GRIA4: variants seen among roughly 807,000 people sequenced by gnomAD.
The protein encoded by GRIA4 is glutamate ionotropic receptor AMPA type subunit 4.
A neutral mutation model predicts 104.0 loss-of-function variants in GRIA4; 34 were observed. That is an observed-to-expected ratio of 0.33 (90% CI 0.25 to 0.44). The LOEUF is 0.44. Ranked by LOEUF, GRIA4 falls within the 20% of genes least tolerant of loss-of-function variation. GRIA4 has a pLI of 1.00. For missense variants in GRIA4, 750 were observed against 1,096.5 expected (o/e 0.68, Z 4.46); for synonymous variants, 386 against 381.9 (o/e 1.01, Z -0.13).
At chr11:105,949,219 G>C (rs761708744) in intron 14 of GRIA4, among the ~76,000 whole-genome samples, 37 of 152,084 alleles carry the variant, frequency 2.4e-4, no homozygotes, top group Admixed American at 1.3e-3. Flanking sequence ...ATGTCCGCTT[G>C]CCAACACTTA....
intron 16 of GRIA4, among the ~76,000 whole-genome samples, chr11:105,978,336 T>C (rs1347833223): frequency 7.0e-6 from 1 of 143,478 alleles, no homozygotes; most frequent in African/African-American, 2.5e-5. Context: ...ATAAAAACTA[T>C]ACATGTTTCT....
chr11:105,914,022 A>G (rs533427635), intron 10 of GRIA4, among the ~76,000 whole-genome samples: 1 of 151,984 alleles, frequency 6.6e-6, no homozygotes, highest in South Asian at 2.1e-4. Context: ...ATATATGTGC[A>G]TTATAATAAC....
intron 4 of GRIA4, among the ~76,000 whole-genome samples, chr11:105,817,343 T>C (rs1018928045): frequency 2.0e-5 from 3 of 149,362 alleles, no homozygotes; most frequent in African/African-American, 5.0e-5. Flanking sequence ...GTATGGACCA[T>C]GGCTTATGAC....
intron 3 of GRIA4, among the ~76,000 whole-genome samples, chr11:105,729,108 C>T (rs1938416245): frequency 3.0e-5 from 4 of 135,540 alleles, no homozygotes. Context: ...TACTGCTAGT[C>T]AAACTAATAA....
rs1023794417 is a variant in GRIA4 at position 105,941,225 on chromosome 11, C to CA, written c.2294+7262dup. ...AAATATTGTTTATCCTCCCTAGCATCAAAAAAGTCTTTTTTTATGATTGAA... is the reference window on the plus strand; with the variant it reads ...AAATATTGTTTATCCTCCCTAGCATCAAAAAAAGTCTTTTTTTATGATTGAA... On this transcript the variant is annotated intron_variant, in intron 14 of 16. Transcript: ENST00000282499. 8.5e-5 allele frequency among the ~76,000 whole-genome samples: 13 copies of CA among 152,100 alleles called. No homozygotes were observed. The East Asian group carries it at 2.5e-3, about 29-fold the overall frequency.
intron 4 of GRIA4, among the ~76,000 whole-genome samples, chr11:105,846,167 T>G (rs1213143158): frequency 6.6e-6 from 1 of 152,224 alleles, no homozygotes; most frequent in Non-Finnish European, 1.5e-5. Flanking sequence ...GAAATCTGCA[T>G]ATACCATTTC....
intron 4 of GRIA4, among the ~76,000 whole-genome samples, chr11:105,832,321 A>G (rs1281504196): frequency 6.6e-6 from 1 of 151,840 alleles, no homozygotes; most frequent in African/African-American, 2.4e-5. Context: ...CTGTCTTTAC[A>G]CAAGCTCTCT....
chr11:105,884,360 T>A, intron 5 of GRIA4, among the ~76,000 whole-genome samples: 1 of 152,246 alleles, frequency 6.6e-6, no homozygotes, highest in East Asian at 1.9e-4. Flanking sequence ...CAGAAGATAC[T>A]CTTCACTTTT....
intron 1 of GRIA4, 22 bp from the exon 2 acceptor site, chr11:105,610,886 T>TGTTTA: frequency 6.6e-6 from 3 of 453,556 alleles, no homozygotes; most frequent in Non-Finnish European, 1.2e-5. Flanking sequence ...TTTTTTTTTT[T>TGTTTA]TTTGGTTGAT....
At chr11:105,630,366 C>A (rs1951001656) in intron 3 of GRIA4, among the ~76,000 whole-genome samples, 1 of 131,850 alleles carries the variant, frequency 7.6e-6, no homozygotes, top group South Asian at 2.9e-4. Flanking sequence ...GAGTTCAAGA[C>A]CAGCCTGACT....
intron 3 of GRIA4, among the ~76,000 whole-genome samples, chr11:105,717,956 A>G (rs1220416726): frequency 2.7e-5 from 4 of 149,782 alleles, no homozygotes; most frequent in Non-Finnish European, 4.4e-5. Context: ...GAAATTGGAA[A>G]TCATCATTCT....
At chr11:105,847,442 G>T (rs1944641418) in intron 4 of GRIA4, among the ~76,000 whole-genome samples, 1 of 152,096 alleles carries the variant, frequency 6.6e-6, no homozygotes, top group Admixed American at 6.5e-5. Flanking sequence ...AAATATATCA[G>T]CAACTTAAGG....
intron 3 of GRIA4, among the ~76,000 whole-genome samples, chr11:105,616,323 T>C (rs1014443713): frequency 7.9e-5 from 12 of 151,726 alleles, no homozygotes; most frequent in African/African-American, 2.9e-4. Context: ...AAAAAGTTTC[T>C]TTTTTAAGTT....
At chr11:105,711,847 CA>C (rs1338990249) in intron 3 of GRIA4, among the ~76,000 whole-genome samples, 4 of 152,076 alleles carry the variant, frequency 2.6e-5, no homozygotes, top group African/African-American at 9.7e-5. Flanking sequence ...AGGAATCTAT[CA>C]AAATTATGAT....
At chr11:105,951,114 A>C (rs1948445577) in intron 14 of GRIA4, among the ~76,000 whole-genome samples, 2 of 152,204 alleles carry the variant, frequency 1.3e-5, no homozygotes, top group Admixed American at 6.5e-5. Flanking sequence ...GCAATTGATG[A>C]AAGTTTTTAG....
chr11:105,914,543 T>C (rs891962086), intron 10 of GRIA4, among the ~76,000 whole-genome samples: 1 of 152,168 alleles, frequency 6.6e-6, no homozygotes, highest in Admixed American at 6.6e-5. Context: ...AAAATCATCA[T>C]AATTAATTTA....
At chr11:105,708,093 C>T (rs1002022693) in intron 3 of GRIA4, among the ~76,000 whole-genome samples, 2 of 152,098 alleles carry the variant, frequency 1.3e-5, no homozygotes, top group Non-Finnish European at 2.9e-5. Flanking sequence ...TTACCAGTTT[C>T]AGTGGATAAC....
intron 3 of GRIA4, among the ~76,000 whole-genome samples, chr11:105,709,705 G>A (rs1226034885): frequency 1.3e-5 from 2 of 152,082 alleles, no homozygotes; most frequent in African/African-American, 4.8e-5. Context: ...GGAGGTGGGA[G>A]GCAGACAGGA....
At chr11:105,870,526 G>A (rs965690892) in intron 5 of GRIA4, among the ~76,000 whole-genome samples, 1 of 148,036 alleles carries the variant, frequency 6.8e-6, no homozygotes, top group Non-Finnish European at 1.5e-5. Context: ...ATCAAATAAC[G>A]CAGCACAATG....
Sources: allele counts gnomAD v4.1 joint callset (sites outside exome capture counted in the v4.1 genomes callset), GRCh38; gene constraint gnomAD v4.1.1; transcripts MANE v1.5; gene names NCBI Gene and HGNC (gene_info 2026-07-23, HGNC 2026-07-21).